The following TAFA2 variants were observed in gnomAD, a reference collection of about 807,000 sequenced individuals.
TAFA2 encodes the protein chemokine-like protein TAFA-2.
TAFA2 carries 7 observed loss-of-function variants against 18.8 expected under a neutral mutation model. That is an observed-to-expected ratio of 0.37 (90% CI 0.21 to 0.70). The LOEUF is 0.70. Among genes scored for constraint, TAFA2 ranks in the 30% least tolerant of loss-of-function variants. The pLI is 0.53. For missense variants in TAFA2, 122 were observed against 158.1 expected (o/e 0.77, Z 1.23); for synonymous variants, 60 against 54.2 (o/e 1.11, Z -0.47).
At chr12:61,851,537 G>A (rs966072117) in intron 2 of TAFA2, among the ~76,000 whole-genome samples, 17 of 151,830 alleles carry the variant, frequency 1.1e-4, no homozygotes, top group African/African-American at 3.9e-4. Context: ...AGCACTTTGG[G>A]AGGCCGAGGC....
chr12:62,216,801 T>C (rs2062737694), intron 1 of TAFA2, among the ~76,000 whole-genome samples: 1 of 152,252 alleles, frequency 6.6e-6, no homozygotes, highest in Non-Finnish European at 1.5e-5. Context: ...ATTTCAAAGA[T>C]GCCCGAACTG....
chr12:62,078,221 C>T (rs1036822417), intron 1 of TAFA2, among the ~76,000 whole-genome samples: 6 of 152,078 alleles, frequency 3.9e-5, no homozygotes, highest in African/African-American at 9.7e-5. Context: ...CTAACTTACC[C>T]GGCCAAGCTG....
At chr12:62,089,889 C>T (rs568218601) in intron 1 of TAFA2, among the ~76,000 whole-genome samples, 27 of 152,164 alleles carry the variant, frequency 1.8e-4, no homozygotes, top group African/African-American at 6.3e-4. Flanking sequence ...GCTTTAGTCC[C>T]TTAACAGAGT....
chr12:61,859,756 C>G (rs1233774676), intron 2 of TAFA2, among the ~76,000 whole-genome samples: 1 of 152,094 alleles, frequency 6.6e-6, no homozygotes, highest in Non-Finnish European at 1.5e-5. Flanking sequence ...AAAAGCAATA[C>G]TCTATTGTTC....
intron 1 of TAFA2, among the ~76,000 whole-genome samples, chr12:61,897,307 A>G (rs1875890268): frequency 6.6e-6 from 1 of 152,146 alleles, no homozygotes; most frequent in African/African-American, 2.4e-5. Context: ...ACTATGTGCA[A>G]TTTCCTGAAA....
At chr12:62,111,565 C>A (rs1869732198) in intron 1 of TAFA2, among the ~76,000 whole-genome samples, 1 of 152,218 alleles carries the variant, frequency 6.6e-6, no homozygotes, top group Admixed American at 6.5e-5. Flanking sequence ...TCTCATTGAT[C>A]TGTCTAATAC....
chr12:61,860,784 CT>C (rs1358340203), intron 2 of TAFA2, among the ~76,000 whole-genome samples: 1 of 152,220 alleles, frequency 6.6e-6, no homozygotes, highest in African/African-American at 2.4e-5. Context: ...TTCCCTGAAA[CT>C]GTACCCTATC....
chr12:62,085,753 G>A (rs112084539), intron 1 of TAFA2, among the ~76,000 whole-genome samples: 4 of 152,218 alleles, frequency 2.6e-5, no homozygotes, highest in African/African-American at 9.6e-5. Flanking sequence ...AGGCCTAAAT[G>A]TAAGAGCTAA....
At chr12:62,250,944 G>T (rs1388567822) in intron 1 of TAFA2, among the ~76,000 whole-genome samples, 1 of 133,194 alleles carries the variant, frequency 7.5e-6, no homozygotes, top group Non-Finnish European at 1.8e-5. Context: ...GAGAGCAGCT[G>T]AGTCTCGCCA....
chr12:61,879,745 G>C (rs1875035105), intron 1 of TAFA2: 2 of 1,248,772 alleles, frequency 1.6e-6, no homozygotes. Context: ...ACATGTTCCA[G>C]AGCTACATCA....
intron 1 of TAFA2, among the ~76,000 whole-genome samples, chr12:61,903,201 C>A (rs1876189162): frequency 6.6e-6 from 1 of 151,974 alleles, no homozygotes; most frequent in African/African-American, 2.4e-5. Context: ...CAATAAAATC[C>A]CAACCTCCTT....
intron 1 of TAFA2, among the ~76,000 whole-genome samples, chr12:61,915,841 T>C (rs7962524): frequency 0.057 from 8,748 of 152,262 alleles, 810 homozygotes; most frequent in African/African-American, 0.2. Flanking sequence ...CCATCCACAT[T>C]GGTGAGCATG....
chr12:61,972,337 C>G (rs1047381896), intron 1 of TAFA2, among the ~76,000 whole-genome samples: 1 of 150,782 alleles, frequency 6.6e-6, no homozygotes, highest in East Asian at 2.0e-4. Context: ...GGTAGCTGGG[C>G]CAGACATCAG....
intron 1 of TAFA2, among the ~76,000 whole-genome samples, chr12:62,040,931 G>A (rs1469509926): frequency 2.0e-5 from 3 of 152,058 alleles, no homozygotes; most frequent in African/African-American, 4.8e-5. Flanking sequence ...AACTTCAACA[G>A]GCCATGTGAT....
chr12:62,054,887 G>A (rs193065863), intron 1 of TAFA2, among the ~76,000 whole-genome samples: 1 of 152,114 alleles, frequency 6.6e-6, no homozygotes, highest in African/African-American at 2.4e-5. Flanking sequence ...TTTTAAAACA[G>A]TATTTTTTTA....
chr12:62,028,089 T>C (rs1305807703), intron 1 of TAFA2, among the ~76,000 whole-genome samples: 1 of 152,150 alleles, frequency 6.6e-6, no homozygotes, highest in Non-Finnish European at 1.5e-5. Context: ...GGCCACATTA[T>C]GGTTAGAAGA....
rs145295550 is a variant in TAFA2 at position 61,835,254 on chromosome 12, C to T, written c.106+32066G>A. Among the ~76,000 whole-genome samples the T allele has an allele frequency of 2.0e-3, 297 of 152,080 alleles. 8 individuals are homozygous for T. The East Asian group carries it at 0.049, about 25-fold the overall frequency. ...ATTTGATATATGTAGATATAAATAA[C>T]GATACTCACTTTCAAATTTGGGATA... On this transcript the variant is annotated intron_variant, in intron 2 of 4. Coordinates refer to ENST00000416284, the MANE Select transcript of TAFA2 (RefSeq NM_178539.5).
intron 1 of TAFA2, among the ~76,000 whole-genome samples, chr12:61,903,474 T>G (rs1876205303): frequency 6.6e-6 from 1 of 152,212 alleles, no homozygotes; most frequent in Admixed American, 6.5e-5. Flanking sequence ...TTTTGGTATA[T>G]TTTCTGACTC....
chr12:61,948,833 C>A (rs1464102360), intron 1 of TAFA2, among the ~76,000 whole-genome samples: 1 of 152,150 alleles, frequency 6.6e-6, no homozygotes, highest in Admixed American at 6.5e-5. Flanking sequence ...AGCCCATGCT[C>A]CATTACACCC....
Sources: gnomAD v4.1 joint callset for allele counts (sites outside exome capture counted in the v4.1 genomes callset) on GRCh38, gnomAD v4.1.1 for gene constraint, MANE v1.5 for transcripts, NCBI Gene and HGNC (gene_info 2026-07-23, HGNC 2026-07-21) for gene names.